The following MINDY3 variants were observed in gnomAD, a reference collection of about 807,000 sequenced individuals.
MINDY3 encodes the protein ubiquitin carboxyl-terminal hydrolase MINDY-3.
MINDY3 carries 38 observed loss-of-function variants against 69.2 expected under a neutral mutation model. The observed-to-expected ratio is 0.55, with a 90% CI of 0.42 to 0.72. The LOEUF (loss-of-function observed/expected upper bound fraction) is 0.72. MINDY3 is among the 30% of genes least tolerant of loss of function. The pLI, the probability that MINDY3 is intolerant of heterozygous loss-of-function variation, is 0.00. For missense variants in MINDY3, 522 were observed against 519.0 expected (o/e 1.01, Z -0.06); for synonymous variants, 192 against 180.1 (o/e 1.07, Z -0.53).
intron 1 of MINDY3, among the ~76,000 whole-genome samples, chr10:15,849,917 T>C (rs558311201): frequency 1.3e-5 from 2 of 152,314 alleles, no homozygotes; most frequent in East Asian, 3.9e-4. Flanking sequence ...ACCACACAAT[T>C]TACTTAACCC....
At chr10:15,840,955 T>C (rs1423323131) in intron 4 of MINDY3, among the ~76,000 whole-genome samples, 2 of 151,448 alleles carry the variant, frequency 1.3e-5, no homozygotes, top group South Asian at 2.1e-4. Context: ...TCTATATGTA[T>C]AAAAATATCC....
At chr10:15,846,980 C>CCAAGTG (rs1329612138) in intron 2 of MINDY3, among the ~76,000 whole-genome samples, 2 of 152,146 alleles carry the variant, frequency 1.3e-5, no homozygotes, top group Admixed American at 1.3e-4. Context: ...ACCTTGGCCT[C>CCAAGTG]CCAAAGTGGT....
At chr10:15,790,523 C>G (rs758352891) in intron 11 of MINDY3, among the ~76,000 whole-genome samples, 2 of 152,014 alleles carry the variant, frequency 1.3e-5, no homozygotes, top group African/African-American at 2.4e-5. Context: ...TGAGTCTGAT[C>G]ACTGATTTTG....
chr10:15,857,698 C>A (rs1834787995), intron 1 of MINDY3, among the ~76,000 whole-genome samples: 1 of 151,918 alleles, frequency 6.6e-6, no homozygotes, highest in African/African-American at 2.4e-5. Flanking sequence ...AGAAAAAAAA[C>A]ACCCCGCATT....
At chr10:15,839,632 G>GAAA (rs375156250) in intron 4 of MINDY3, among the ~76,000 whole-genome samples, 2 of 151,362 alleles carry the variant, frequency 1.3e-5, no homozygotes, top group East Asian at 3.9e-4. Flanking sequence ...CAGGGATGGT[G>GAAA]AAAAAATATA....
At chr10:15,845,812 GATT>G (rs1833795777) in intron 2 of MINDY3, among the ~76,000 whole-genome samples, 1 of 91,738 alleles carries the variant, frequency 1.1e-5, no homozygotes, top group Admixed American at 1.1e-4. Context: ...TGGCCTATGT[GATT>G]TTTTTTTTTT....
chr10:15,824,417 C>T (rs114958536), intron 8 of MINDY3, among the ~76,000 whole-genome samples: 3 of 151,988 alleles, frequency 2.0e-5, no homozygotes, highest in African/African-American at 4.8e-5. Flanking sequence ...TGAATTAATA[C>T]GTATTTAAAA....
At chr10:15,856,059 A>G (rs1230853819) in intron 1 of MINDY3, among the ~76,000 whole-genome samples, 1 of 152,034 alleles carries the variant, frequency 6.6e-6, no homozygotes, top group Non-Finnish European at 1.5e-5. Context: ...AAATATATAT[A>G]AGAGAATGTT....
chr10:15,843,526 G>C (rs551488000), intron 2 of MINDY3, among the ~76,000 whole-genome samples: 15 of 152,006 alleles, frequency 9.9e-5, no homozygotes, highest in Non-Finnish European at 1.5e-4. Context: ...CTGACAAGTA[G>C]AAGAACTAAC....
intron 2 of MINDY3, among the ~76,000 whole-genome samples, chr10:15,846,522 TTCC>T (rs1404829124): frequency 1.3e-5 from 2 of 152,100 alleles, no homozygotes; most frequent in Non-Finnish European, 2.9e-5. Flanking sequence ...ATTCAAATTT[TTCC>T]TCATTTTAAA....
At position 15,860,405 on chromosome 10, in the gene MINDY3, A is replaced by T. The variant is rs1329334026; in HGVS notation, c.-106T>A. 75 of 808,606 alleles carry T rather than the reference A, an allele frequency of 9.3e-5. No homozygotes were observed. The highest frequency in any genetic ancestry group is 1.7e-4 in the South Asian group (12 of 68,762). The allele number at this position is 808,606 out of a possible 1,614,324, so 50.1% of individuals were successfully genotyped here. On this transcript the variant is annotated 5_prime_UTR_variant, in exon 1 of 15. Coordinates refer to ENST00000277632, the MANE Select transcript of MINDY3 (RefSeq NM_024948.4). ...GCTGCGGGACGGCGGCGGCAAACGA[A>T]TTGGAAGGTGAGGCAGGAAAGAAGA...
At chr10:15,801,011 A>C (rs1251165164) in intron 10 of MINDY3, among the ~76,000 whole-genome samples, 1 of 152,206 alleles carries the variant, frequency 6.6e-6, no homozygotes, top group African/African-American at 2.4e-5. Flanking sequence ...TGGTTTGATA[A>C]TTTTAGAAAC....
rs1174590606 is a variant in MINDY3, at chr10:15,834,628, G to A, written c.577-12C>T. ...ATGTTTTCAATGCCCTAAAGAAACA[G>A]AATTCATTGACTTATTTTAAAAAAC... On this transcript the variant is annotated splice_polypyrimidine_tract_variant and intron_variant, in intron 6 of 14. Coordinates refer to ENST00000277632, the MANE Select transcript of MINDY3 (RefSeq NM_024948.4). 1.9e-6 allele frequency: 3 copies of A among 1,584,610 alleles called. No individual in the cohort carries two copies. The highest frequency in any genetic ancestry group is 2.6e-6 in the Non-Finnish European group (3 of 1,155,404).
intron 8 of MINDY3, among the ~76,000 whole-genome samples, chr10:15,822,885 A>G (rs1475973430): frequency 6.6e-6 from 1 of 152,198 alleles, no homozygotes; most frequent in African/African-American, 2.4e-5. Flanking sequence ...CAGCTAACAT[A>G]CATTAATATA....
At chr10:15,836,864 A>G (rs1325926698) in intron 6 of MINDY3, among the ~76,000 whole-genome samples, 1 of 151,960 alleles carries the variant, frequency 6.6e-6, no homozygotes, top group Non-Finnish European at 1.5e-5. Flanking sequence ...TTTTCAAAAA[A>G]AAAATCAAGA....
chr10:15,821,545 G>T, intron 9 of MINDY3, 111 bp downstream of exon 9: 2 of 769,102 alleles, frequency 2.6e-6, no homozygotes, highest in South Asian at 3.7e-5. Context: ...GAAGAGAGCG[G>T]TACTGAACCA....
chr10:15,837,301 C>T lies in MINDY3; in HGVS notation c.479G>A (p.Ser160Asn). 6.3e-7 allele frequency: 1 copy of T among 1,599,218 alleles called. No individual in the cohort carries two copies. The highest frequency in any genetic ancestry group is 8.5e-7 in the Non-Finnish European group (1 of 1,173,264). ...GACAGCATCTTTTAATTCTGGTAAA[C>T]TTCTGAACGATCTTTTTCTGGGGGA... The part of the protein sequence containing the change: ...HALIQKRSFR[S>N]LPELKDAVLD... Residue 160 changes from serine to asparagine, a missense_variant, in exon 6 of 15, where the codon AGT (serine) becomes AAT (asparagine). By Grantham distance (46) the Ser-to-Asn change is conservative. Transcript: ENST00000277632.
chr10:15,805,795 A>G (rs78185952), intron 10 of MINDY3, among the ~76,000 whole-genome samples: 6,366 of 152,146 alleles, frequency 0.042, 432 homozygotes, highest in African/African-American at 0.14. Flanking sequence ...TCCAGGCAGA[A>G]GCTACTCCTT....
chr10:15,790,381 T>C (rs1837318632), intron 11 of MINDY3, among the ~76,000 whole-genome samples: 1 of 152,122 alleles, frequency 6.6e-6, no homozygotes, highest in East Asian at 1.9e-4. Flanking sequence ...TGTGCAATTT[T>C]TTAAGTGAAG....
Sources: gnomAD v4.1 joint callset for allele counts (sites outside exome capture counted in the v4.1 genomes callset) on GRCh38, gnomAD v4.1.1 for gene constraint, MANE v1.5 for transcripts, NCBI Gene and HGNC (gene_info 2026-07-23, HGNC 2026-07-21) for gene names.